Variants in CPSF7 observed in about 807,000 individuals in gnomAD.
CPSF7 encodes the protein cleavage and polyadenylation specific factor 7, also known as cleavage and polyadenylation specificity factor subunit 7.
A neutral mutation model predicts 44.3 loss-of-function variants in CPSF7; 1 was observed. That is an observed-to-expected ratio of 0.02 (90% confidence interval 0.01 to 0.11). CPSF7 has a LOEUF of 0.11. Among genes scored for constraint, CPSF7 ranks in the 10% least tolerant of loss-of-function variants. The pLI, the probability that CPSF7 is intolerant of heterozygous loss-of-function variation, is 1.00. For missense variants in CPSF7, 443 were observed against 607.2 expected (o/e 0.73, Z 2.84); for synonymous variants, 202 against 222.0 (o/e 0.91, Z 0.80).
intron 2 of CPSF7, among the ~76,000 whole-genome samples, chr11:61,422,081 A>G (rs1483773183): frequency 6.6e-6 from 1 of 152,268 alleles, no homozygotes; most frequent in Non-Finnish European, 1.5e-5. Context: ...GAGGAAAAGC[A>G]TGAAAGTGGG....
chr11:61,411,995 C>T, intron 7 of CPSF7, 58 bp from the exon 8 acceptor site: 1 of 1,492,936 alleles, frequency 6.7e-7, no homozygotes, highest in South Asian at 1.2e-5. Context: ...ACTAACTGGA[C>T]CAAAAGGAGA....
chr11:61,422,969 C>T (rs1477461084), intron 2 of CPSF7, among the ~76,000 whole-genome samples: 3 of 151,638 alleles, frequency 2.0e-5, no homozygotes, highest in Non-Finnish European at 4.4e-5. Flanking sequence ...CCTATCTCTA[C>T]AATAAATACA....
chr11:61,413,476 CA>C (rs1256528894), intron 7 of CPSF7, among the ~76,000 whole-genome samples: 2 of 151,820 alleles, frequency 1.3e-5, no homozygotes, highest in Non-Finnish European at 1.5e-5. Flanking sequence ...ACTAAAAATA[CA>C]AAAACTAGCT....
intron 5 of CPSF7, 95 bp from the exon 6 acceptor site, chr11:61,416,614 G>C: frequency 3.0e-6 from 4 of 1,315,384 alleles, no homozygotes; most frequent in Non-Finnish European, 4.3e-6. Flanking sequence ...ACCCTACAAA[G>C]GAAGGTGACT....
chr11:61,421,103 C>CT, intron 3 of CPSF7: 1 of 1,385,716 alleles, frequency 7.2e-7, no homozygotes. Context: ...GGTGTTCACT[C>CT]TGAAATCTCG....
At chr11:61,405,755 A>G (rs1859254937) in intron 9 of CPSF7, among the ~76,000 whole-genome samples, 1 of 152,222 alleles carries the variant, frequency 6.6e-6, no homozygotes, top group South Asian at 2.1e-4. Context: ...AACCTAGAGG[A>G]GACATCTACG....
chr11:61,424,341 C>T (rs990030170), intron 2 of CPSF7, among the ~76,000 whole-genome samples: 17 of 152,234 alleles, frequency 1.1e-4, no homozygotes, highest in Admixed American at 1.1e-3. Flanking sequence ...CTCTTCTATT[C>T]ATGTACCAGG....
rs748218062 is a variant in CPSF7, at chr11:61,416,346, T to C, written c.697A>G (p.Ile233Val). 2.3e-5 allele frequency: 36 copies of C among 1,578,772 alleles called. No homozygotes were observed. The highest frequency in any genetic ancestry group is 2.9e-5 in the Non-Finnish European group (34 of 1,160,392). ...LPLMGLPPPP[I>V]PPPPPLSSSF... ...GAGGAGAGAGGTGGTGGGGGTGGAA[T>C]TGGTGGTGGGGGCAGACCCATCAGG... The change falls in exon 6 of 10, where the codon ATT becomes GTT. Residue 233 changes from isoleucine to valine, a missense_variant. Coordinates refer to ENST00000439958, the MANE Select transcript of CPSF7 (RefSeq NM_001142565.3).
Position 61,411,123 on chromosome 11 carries a change from C to T in CPSF7, c.1227-18G>A. 6.3e-7 allele frequency: 1 copy of T among 1,592,658 alleles called. No individual in the cohort carries two copies. The highest frequency in any genetic ancestry group is 8.5e-7 in the Non-Finnish European group (1 of 1,172,242). ...GTCTTTTCCTATTAGAAAGATCCTT[C>T]AGCCTCACTCAGAAGGCCTACCACT... On this transcript the variant is annotated intron_variant, in intron 8 of 9. Coordinates refer to ENST00000439958, the MANE Select transcript of CPSF7 (RefSeq NM_001142565.3).
At chr11:61,409,830 G>A (rs113810322) in intron 9 of CPSF7, among the ~76,000 whole-genome samples, 185 of 151,984 alleles carry the variant, frequency 1.2e-3, no homozygotes, top group African/African-American at 4.0e-3. Flanking sequence ...AAAAATTAGC[G>A]GGCGTGGTGA....
intron 2 of CPSF7, among the ~76,000 whole-genome samples, chr11:61,422,733 G>A (rs1261423634): frequency 6.6e-6 from 1 of 152,138 alleles, no homozygotes; most frequent in African/African-American, 2.4e-5. Flanking sequence ...TATGTATTAT[G>A]GAAAATGTGC....
At chr11:61,426,318 GT>G (rs1438752939) in intron 2 of CPSF7, 1 of 151,972 alleles carries the variant, frequency 6.6e-6, no homozygotes, top group Non-Finnish European at 1.5e-5. Flanking sequence ...TCTAGCCAAA[GT>G]TTTTTTGTTT....
At chr11:61,417,539 G>C (rs766226688) in intron 5 of CPSF7, among the ~76,000 whole-genome samples, 1 of 152,208 alleles carries the variant, frequency 6.6e-6, no homozygotes, top group Non-Finnish European at 1.5e-5. Flanking sequence ...GGAGGAAAGA[G>C]TGCTCCTTAA....
intron 9 of CPSF7, among the ~76,000 whole-genome samples, chr11:61,407,416 A>G (rs1423382360): frequency 6.6e-6 from 1 of 152,230 alleles, no homozygotes; most frequent in African/African-American, 2.4e-5. Flanking sequence ...AAAGGGAGTT[A>G]GGACTGGACC....
intron 9 of CPSF7, 57 bp from the exon 10 acceptor site, chr11:61,404,761 G>A (rs1859148736): frequency 6.6e-6 from 1 of 152,210 alleles, no homozygotes; most frequent in Non-Finnish European, 1.5e-5. Flanking sequence ...GTTACTTTCT[G>A]AATGACAGGG....
In CPSF7 at chr11:61,416,176, TG is replaced by T; in HGVS notation, c.866del (p.Pro289HisfsTer14). 6.6e-7 allele frequency: 1 copy of T among 1,515,696 alleles called. No individual in the cohort carries two copies. The highest frequency in any genetic ancestry group is 8.8e-7 in the Non-Finnish European group (1 of 1,134,588). The allele number at this position is 1,515,696 out of a possible 1,614,324, so 93.9% of individuals were successfully genotyped here. A position where few individuals can be genotyped will look rare whatever the true frequency, so the allele number is the denominator to read the frequency against. ...ALHLNPAFFP[P>X]PNATVGPPPD... ...GTGGAGGCCCCACTGTAGCGTTTGG[TG>T]GGGGGAAGAAGGCTGGATTGAGGTG... On this transcript the variant is annotated frameshift_variant, in exon 6 of 10. Coordinates refer to ENST00000439958, the MANE Select transcript of CPSF7 (RefSeq NM_001142565.3).
chr11:61,409,344 CGCTTG>C (rs1859639562), intron 9 of CPSF7, among the ~76,000 whole-genome samples: 1 of 151,608 alleles, frequency 6.6e-6, no homozygotes, highest in African/African-American at 2.4e-5. Flanking sequence ...TGGTGGTGGG[CGCTTG>C]TAATCCCAGC....
At chr11:61,429,393 G>A (rs369605529) in intron 1 of CPSF7, 103 bp from the exon 2 acceptor site, 4 of 705,142 alleles carry the variant, frequency 5.7e-6, no homozygotes, top group African/African-American at 5.3e-5. Flanking sequence ...GCAGCATCCT[G>A]GCGGCCCCAG....
intron 8 of CPSF7, 49 bp from the exon 9 acceptor site, chr11:61,411,154 T>C (rs1371010705): frequency 2.0e-6 from 3 of 1,536,292 alleles, no homozygotes; most frequent in African/African-American, 2.8e-5. Flanking sequence ...CCACTTTCTT[T>C]CCAAGAATGT....
Sources: gnomAD v4.1 joint callset for allele counts (sites outside exome capture counted in the v4.1 genomes callset) on GRCh38, gnomAD v4.1.1 for gene constraint, MANE v1.5 for transcripts, NCBI Gene and HGNC (gene_info 2026-07-23, HGNC 2026-07-21) for gene names.